The following SAMD3 variants were observed in gnomAD, a reference collection of about 807,000 sequenced individuals.
SAMD3 encodes sterile alpha motif domain containing 3.
In SAMD3, 63 loss-of-function variants were observed where a neutral mutation model predicts 58.5. The observed-to-expected ratio is 1.08, with a 90% CI of 0.88 to 1.33. The LOEUF (loss-of-function observed/expected upper bound fraction) is 1.33, where lower values mean the gene tolerates loss of function less well. SAMD3 is among the 40% of genes most tolerant of loss of function. The probability of loss-of-function intolerance (pLI) is 0.00; values close to 1 mark genes in which losing one functional copy is unlikely to be tolerated. For synonymous variants in SAMD3, 220 were observed against 210.3 expected, an observed-to-expected ratio of 1.05 and a Z score of -0.40; for missense variants, 604 against 608.4, an observed-to-expected ratio of 0.99 and a Z score of 0.08.
At chr6:130,236,384 CTTT>C (rs777968481) in intron 2 of SAMD3, among the ~76,000 whole-genome samples, 1 of 139,786 alleles carries the variant, frequency 7.2e-6, no homozygotes, top group Non-Finnish European at 1.6e-5. Flanking sequence ...AAATGATTGA[CTTT>C]TTTTTTTTTT....
At chr6:130,356,131 G>T (rs763614874) in intron 1 of SAMD3, among the ~76,000 whole-genome samples, 2 of 152,048 alleles carry the variant, frequency 1.3e-5, no homozygotes, top group Non-Finnish European at 2.9e-5. Context: ...TAAAGTCTTC[G>T]TTGGTTTCCC....
chr6:130,295,434 C>T (rs1240393043), intron 2 of SAMD3, among the ~76,000 whole-genome samples: 1 of 152,136 alleles, frequency 6.6e-6, no homozygotes, highest in Non-Finnish European at 1.5e-5. Flanking sequence ...TAAATTGCAT[C>T]CTAAATTTCT....
At chr6:130,299,172 T>C (rs981522734) in intron 2 of SAMD3, among the ~76,000 whole-genome samples, 1 of 152,088 alleles carries the variant, frequency 6.6e-6, no homozygotes, top group Non-Finnish European at 1.5e-5. Flanking sequence ...TTCTAATCTG[T>C]GCTATGAAAA....
chr6:130,215,754 A>G lies in SAMD3; in HGVS notation c.-21-460T>C, dbSNP rs752881059. 7 of 1,509,794 alleles carry G rather than the reference A, an allele frequency of 4.6e-6. No homozygotes were observed. The South Asian group carries it at 8.6e-5, about 19-fold the overall frequency. The allele number at this position is 1,509,794 out of a possible 1,614,324, so 93.5% of individuals were successfully genotyped here. A position where few individuals can be genotyped will look rare whatever the true frequency, so the allele number is the denominator to read the frequency against. ...GAAGGATCAGATAAAAGCCTGACAG[A>G]GATACTTAGTAAACTGGTTAACCCC... On this transcript the variant is annotated intron_variant, in intron 2 of 11. Transcript: ENST00000439090.
intron 2 of SAMD3, among the ~76,000 whole-genome samples, chr6:130,270,285 G>A (rs1254409465): frequency 6.6e-6 from 1 of 152,124 alleles, no homozygotes; most frequent in African/African-American, 2.4e-5. Context: ...TAGAGATGGG[G>A]TTTCACCATG....
chr6:130,257,002 C>T (rs886855829), intron 2 of SAMD3, among the ~76,000 whole-genome samples: 1 of 152,106 alleles, frequency 6.6e-6, no homozygotes, highest in East Asian at 1.9e-4. Context: ...ATTGTGTCCC[C>T]AACTCCAAAT....
chr6:130,211,530 C>T (rs1327270902), intron 4 of SAMD3, among the ~76,000 whole-genome samples: 1 of 151,934 alleles, frequency 6.6e-6, no homozygotes, highest in African/African-American at 2.4e-5. Context: ...GTGATCTGCC[C>T]GCCTTGGCCT....
chr6:130,202,962 TCC>T (rs1794775987), intron 5 of SAMD3, among the ~76,000 whole-genome samples: 1 of 152,162 alleles, frequency 6.6e-6, no homozygotes, highest in Non-Finnish European at 1.5e-5. Context: ...TCTTGAAACT[TCC>T]CTCTTCACCT....
At chr6:130,254,591 A>G (rs971886540) in intron 2 of SAMD3, among the ~76,000 whole-genome samples, 1 of 152,070 alleles carries the variant, frequency 6.6e-6, no homozygotes, top group Non-Finnish European at 1.5e-5. Flanking sequence ...GGCCTCCCCA[A>G]GTGCTGGGAT....
intron 1 of SAMD3, among the ~76,000 whole-genome samples, chr6:130,348,059 C>T (rs972727866): frequency 1.3e-5 from 2 of 152,162 alleles, no homozygotes; most frequent in Admixed American, 6.5e-5. Context: ...GCCTGCCTTA[C>T]AAGAGCTCCT....
At position 130,214,537 on chromosome 6, in the gene SAMD3, G is replaced by T. The variant is rs1554263468; in HGVS notation, c.80-11C>A. Reference sequence around the variant, plus strand: ...CACTTACTTCTTCCTCTGGGAAAAAGAAAAAAAATTAGTTTCTACATGACT... The same window carrying T: ...CACTTACTTCTTCCTCTGGGAAAAATAAAAAAAATTAGTTTCTACATGACT... On this transcript the variant is annotated splice_polypyrimidine_tract_variant and intron_variant, in intron 3 of 11. Coordinates refer to ENST00000439090, the MANE Select transcript of SAMD3 (RefSeq NM_001017373.4). The T allele has an allele frequency of 1.3e-6, 2 of 1,560,066 alleles. No homozygotes were observed. The highest frequency in any genetic ancestry group is 1.7e-6 in the Non-Finnish European group (2 of 1,157,200).
chr6:130,214,596 A>T, intron 3 of SAMD3, 70 bp from the exon 4 acceptor site: 8 of 1,080,028 alleles, frequency 7.4e-6, no homozygotes, highest in Non-Finnish European at 1.0e-5. Context: ...GAAGAGGCAA[A>T]ATTACCTCTA....
intron 1 of SAMD3, among the ~76,000 whole-genome samples, chr6:130,344,442 T>C (rs1163051300): frequency 6.6e-6 from 1 of 152,156 alleles, no homozygotes; most frequent in Non-Finnish European, 1.5e-5. Flanking sequence ...AGTGCAGCGA[T>C]GTGATTTCGG....
At chr6:130,326,367 ATTT>A (rs537066801) in intron 1 of SAMD3, among the ~76,000 whole-genome samples, 2 of 128,824 alleles carry the variant, frequency 1.6e-5, no homozygotes, top group South Asian at 2.5e-4. Context: ...ATGCCTGGTC[ATTT>A]TTTTTTTTTT....
intron 1 of SAMD3, among the ~76,000 whole-genome samples, chr6:130,218,267 T>A (rs1235103545): frequency 6.6e-6 from 1 of 152,214 alleles, no homozygotes; most frequent in Non-Finnish European, 1.5e-5. Context: ...GAATTCCAAG[T>A]TCCCACACCA....
chr6:130,235,538 A>G (rs1210676622), intron 2 of SAMD3, among the ~76,000 whole-genome samples: 1 of 152,166 alleles, frequency 6.6e-6, no homozygotes, highest in Admixed American at 6.5e-5. Context: ...TCGGCAGTCA[A>G]AAAAACTAAA....
chr6:130,274,640 CTG>C (rs74828300), intron 2 of SAMD3, among the ~76,000 whole-genome samples: 47,108 of 151,756 alleles, frequency 0.31, 7,660 homozygotes, highest in East Asian at 0.47. Context: ...TAAAGTGAAA[CTG>C]TTTCTCTTTC....
chr6:130,192,539 A>T (rs1307564712), intron 5 of SAMD3, among the ~76,000 whole-genome samples: 1 of 144,256 alleles, frequency 6.9e-6, no homozygotes, highest in Non-Finnish European at 1.5e-5. Context: ...CCTGCCCACC[A>T]GAGAACAACC....
In SAMD3 at chr6:130,353,812, A is replaced by T. The variant is rs1449420593; in HGVS notation, c.-304+11308T>A. Among the ~76,000 whole-genome samples the T allele has an allele frequency of 2.6e-5, 4 of 152,204 alleles. No individual in the cohort carries two copies. In the East Asian group the frequency reaches 7.7e-4, roughly 29 times the overall value. On this transcript the variant is annotated intron_variant, in intron 1 of 13. Coordinates refer to the SAMD3 transcript ENST00000368134. Reference sequence around the variant, plus strand: ...TCTGTGTCTGCAGGCTATAAGCCATATCTCAGACATCAGTTCTCCTTAAAA... The same window carrying T: ...TCTGTGTCTGCAGGCTATAAGCCATTTCTCAGACATCAGTTCTCCTTAAAA...
Sources: allele counts gnomAD v4.1 joint callset (sites outside exome capture counted in the v4.1 genomes callset), GRCh38; gene constraint gnomAD v4.1.1; transcripts MANE v1.5; gene names NCBI Gene and HGNC (gene_info 2026-07-23, HGNC 2026-07-21).